Variants in APBA2 observed in about 807,000 individuals in gnomAD.
The protein encoded by APBA2 is amyloid beta precursor protein binding family A member 2.
APBA2 carries 30 observed loss-of-function variants against 75.0 expected under a neutral mutation model. The observed-to-expected ratio is 0.40, with a 90% confidence interval of 0.30 to 0.54. The LOEUF (loss-of-function observed/expected upper bound fraction) is 0.54, where lower values mean the gene tolerates loss of function less well. Ranked by LOEUF, APBA2 falls within the 20% of genes least tolerant of loss-of-function variation. The pLI is 0.49. For synonymous variants in APBA2, 444 were observed against 409.6 expected (o/e 1.08, Z -1.01); for missense variants, 801 against 1,016.1 (o/e 0.79, Z 2.88).
chr15:29,108,308 C>T lies in APBA2; in HGVS notation c.1956C>T (p.Val652=). Residue 652 remains valine (V), a synonymous_variant, in exon 13 of 15, where the codon GTC becomes GTT. Transcript: ENST00000683413. ...AGACACAGGTGAAGCTCAACATTGT[C>T]AGCTGTCCCCCGGTCACCACGGTCC... ...KNQTQVKLNI[V]SCPPVTTVLI... is the part of the protein sequence containing the mutation. 1.2e-6 allele frequency: 2 copies of T among 1,614,024 alleles called. No individual in the cohort carries two copies. Among genetic ancestry groups the T allele is most frequent in the Non-Finnish European group, 1.7e-6 (2 of 1,180,032 alleles).
At chr15:29,070,062 G>A (rs1344579098) in intron 4 of APBA2, among the ~76,000 whole-genome samples, 1 of 152,180 alleles carries the variant, frequency 6.6e-6, no homozygotes, top group Non-Finnish European at 1.5e-5. Context: ...GCCCCCTAGA[G>A]CTGATGGACT....
At chr15:28,922,760 C>T (rs1352163364) in intron 2 of APBA2, among the ~76,000 whole-genome samples, 2 of 152,220 alleles carry the variant, frequency 1.3e-5, no homozygotes, top group Admixed American at 6.5e-5. Context: ...ACATCCTAAC[C>T]TGCCCAGCCT....
intron 1 of APBA2, among the ~76,000 whole-genome samples, chr15:28,916,108 C>T (rs1278382732): frequency 2.0e-5 from 3 of 152,258 alleles, no homozygotes; most frequent in Non-Finnish European, 4.4e-5. Context: ...GGCACATTCC[C>T]TGGTCCTGCC....
intron 2 of APBA2, among the ~76,000 whole-genome samples, chr15:28,974,876 G>T (rs1275530579): frequency 1.3e-5 from 2 of 151,970 alleles, no homozygotes; most frequent in African/African-American, 4.8e-5. Context: ...ACTTAGAGTA[G>T]AATGACAAAA....
At chr15:29,009,597 C>A (rs2039299335) in intron 3 of APBA2, among the ~76,000 whole-genome samples, 1 of 152,090 alleles carries the variant, frequency 6.6e-6, no homozygotes, top group Admixed American at 6.5e-5. Flanking sequence ...ACCACCACCA[C>A]CTAAAGGTAA....
intron 2 of APBA2, among the ~76,000 whole-genome samples, chr15:28,990,031 C>G (rs2038137603): frequency 6.6e-6 from 1 of 152,196 alleles, no homozygotes; most frequent in Admixed American, 6.5e-5. Context: ...GCGCGGGGAA[C>G]TGTGTTCCTG....
intron 14 of APBA2, among the ~76,000 whole-genome samples, chr15:29,115,727 G>A (rs1444047297): frequency 1.3e-5 from 2 of 152,202 alleles, no homozygotes; most frequent in South Asian, 2.1e-4. Flanking sequence ...GAGGAACGCC[G>A]GGGAATGGCT....
At chr15:28,985,101 G>T (rs1265402851) in intron 2 of APBA2, among the ~76,000 whole-genome samples, 1 of 152,148 alleles carries the variant, frequency 6.6e-6, no homozygotes, top group Non-Finnish European at 1.5e-5. Flanking sequence ...GGCTGTGGCA[G>T]GAAGGTTTGG....
At chr15:29,070,481 T>A (rs867567931) in intron 4 of APBA2, among the ~76,000 whole-genome samples, 1 of 152,220 alleles carries the variant, frequency 6.6e-6, no homozygotes, top group Non-Finnish European at 1.5e-5. Flanking sequence ...TGAAAAGATA[T>A]GATCTCCCCC....
chr15:28,979,187 C>T (rs2152763968), intron 2 of APBA2, among the ~76,000 whole-genome samples: 1 of 152,302 alleles, frequency 6.6e-6, no homozygotes, highest in South Asian at 2.1e-4. Flanking sequence ...GGGCTCCCCT[C>T]CCTTCTTCGT....
intron 2 of APBA2, among the ~76,000 whole-genome samples, chr15:28,967,548 C>G (rs2036803061): frequency 6.6e-6 from 1 of 152,156 alleles, no homozygotes; most frequent in African/African-American, 2.4e-5. Context: ...ACACCATTCT[C>G]CTGCCTCAGC....
intron 4 of APBA2, among the ~76,000 whole-genome samples, chr15:29,072,107 C>T (rs1282210530): frequency 1.3e-5 from 2 of 152,226 alleles, no homozygotes; most frequent in Non-Finnish European, 2.9e-5. Flanking sequence ...CGCCCTACAT[C>T]TGTGGCGCTC....
chr15:29,048,363 T>G (rs1367712099), intron 3 of APBA2, among the ~76,000 whole-genome samples: 1 of 152,202 alleles, frequency 6.6e-6, no homozygotes, highest in Non-Finnish European at 1.5e-5. Flanking sequence ...AAAAAAAAAT[T>G]CCCTAAAGTA....
chr15:28,958,145 C>T (rs983764738), intron 2 of APBA2, among the ~76,000 whole-genome samples: 8 of 152,238 alleles, frequency 5.3e-5, no homozygotes, highest in African/African-American at 1.7e-4. Context: ...TGCCTTGCTT[C>T]AGCCAATGAC....
chr15:29,089,078 C>T (rs2152944657), intron 6 of APBA2, among the ~76,000 whole-genome samples: 1 of 152,320 alleles, frequency 6.6e-6, no homozygotes, highest in East Asian at 1.9e-4. Context: ...AGGGCCATAG[C>T]CTCCCTTTTG....
chr15:28,963,875 A>C (rs2036600308), intron 2 of APBA2, among the ~76,000 whole-genome samples: 1 of 152,184 alleles, frequency 6.6e-6, no homozygotes, highest in Non-Finnish European at 1.5e-5. Flanking sequence ...GTCAGACTCC[A>C]GTAGTTATAA....
At chr15:29,033,329 A>G (rs1215247784) in intron 3 of APBA2, among the ~76,000 whole-genome samples, 1 of 152,180 alleles carries the variant, frequency 6.6e-6, no homozygotes, top group Admixed American at 6.5e-5. Context: ...TCTGTCCACA[A>G]CAGGAATGGT....
intron 2 of APBA2, among the ~76,000 whole-genome samples, chr15:28,957,693 A>G (rs1233785376): frequency 1.1e-4 from 16 of 151,942 alleles, no homozygotes. Flanking sequence ...TGGCCTGGTG[A>G]GCAGGGGCTC....
chr15:29,103,193 G>A (rs902814630), intron 10 of APBA2, among the ~76,000 whole-genome samples: 3 of 152,242 alleles, frequency 2.0e-5, no homozygotes, highest in African/African-American at 7.2e-5. Flanking sequence ...CAGCTGGTGA[G>A]AGTTTCCAAG....
Sources: gnomAD v4.1 joint callset for allele counts (sites outside exome capture counted in the v4.1 genomes callset) on GRCh38, gnomAD v4.1.1 for gene constraint, MANE v1.5 for transcripts, NCBI Gene and HGNC (gene_info 2026-07-23, HGNC 2026-07-21) for gene names.